The following UGGT2 variants were observed in gnomAD, a reference collection of about 807,000 sequenced individuals.
UGGT2 encodes UDP-glucose glycoprotein glucosyltransferase 2, also known as UDP-glucose:glycoprotein glucosyltransferase 2.
Under a neutral mutation model 192.1 loss-of-function variants are expected in UGGT2, and 180 were observed. The ratio of observed to expected loss-of-function variants is 0.94; its 90% confidence interval spans 0.83 to 1.06. The LOEUF (loss-of-function observed/expected upper bound fraction) is 1.06, where lower values mean the gene tolerates loss of function less well. Ranked by LOEUF, UGGT2 falls within the 50% of genes least tolerant of loss-of-function variation. The probability of loss-of-function intolerance (pLI) is 0.00; values close to 1 mark genes in which losing one functional copy is unlikely to be tolerated. For synonymous variants in UGGT2, 580 were observed against 591.0 expected, an observed-to-expected ratio of 0.98 and a Z score of 0.27; for missense variants, 1,849 against 1,795.7, an observed-to-expected ratio of 1.03 and a Z score of -0.54.
At chr13:96,048,568 C>G (rs2053388945) in intron 1 of UGGT2, among the ~76,000 whole-genome samples, 2 of 151,794 alleles carry the variant, frequency 1.3e-5, no homozygotes, top group Admixed American at 1.3e-4. Context: ...TTGAAAAGAT[C>G]AACAAAATTG....
chr13:95,929,534 A>T (rs142582472), intron 17 of UGGT2, among the ~76,000 whole-genome samples: 21 of 152,334 alleles, frequency 1.4e-4, no homozygotes, highest in African/African-American at 4.3e-4. Context: ...CCCACTCATA[A>T]GAGAGAACAT....
intron 31 of UGGT2, among the ~76,000 whole-genome samples, chr13:95,862,632 T>C (rs1001784963): frequency 6.6e-6 from 1 of 152,160 alleles, no homozygotes; most frequent in Admixed American, 6.5e-5. Flanking sequence ...ACAGCTATAG[T>C]TGGACCCATG....
At chr13:95,830,078 T>G (rs1465680447) in intron 38 of UGGT2, among the ~76,000 whole-genome samples, 2 of 152,352 alleles carry the variant, frequency 1.3e-5, no homozygotes, top group Middle Eastern at 3.4e-3. Context: ...GCTAGTCATA[T>G]GTAGAAAGCT....
At chr13:95,860,412 T>C (rs1890048845) in intron 32 of UGGT2, among the ~76,000 whole-genome samples, 1 of 149,580 alleles carries the variant, frequency 6.7e-6, no homozygotes, top group Admixed American at 6.7e-5. Context: ...TTGCTAGCCT[T>C]GAAGAAAACC....
rs553429334 is a variant in UGGT2, at chr13:95,847,421, C to T, written c.4284+6122G>A. ...ATCTACCACTACATATTTTCCCTGC[C>T]TAAAAATTCTCTGTGCTCCACCATA... On this transcript the variant is annotated intron_variant, in intron 36 of 38. Transcript: ENST00000376747. Among the ~76,000 whole-genome samples the T allele has an allele frequency of 1.2e-4, 19 of 152,282 alleles. 1 individual carries two copies. The South Asian group carries it at 3.9e-3, about 32-fold the overall frequency.
At chr13:95,929,824 T>C (rs2049181392) in intron 17 of UGGT2, among the ~76,000 whole-genome samples, 2 of 152,094 alleles carry the variant, frequency 1.3e-5, no homozygotes, top group African/African-American at 2.4e-5. Context: ...CTGGGTTGAA[T>C]GGTAGTTCTG....
intron 10 of UGGT2, among the ~76,000 whole-genome samples, chr13:95,975,432 C>T (rs1369602297): frequency 6.6e-6 from 1 of 151,986 alleles, no homozygotes; most frequent in Non-Finnish European, 1.5e-5. Context: ...AGTAAGTCTC[C>T]CAAATGAATT....
intron 5 of UGGT2, among the ~76,000 whole-genome samples, chr13:96,000,418 C>A (rs1439443664): frequency 6.6e-6 from 1 of 152,174 alleles, no homozygotes; most frequent in African/African-American, 2.4e-5. Flanking sequence ...GCTATTCAGA[C>A]AAATACTTAA....
intron 29 of UGGT2, among the ~76,000 whole-genome samples, chr13:95,870,178 G>A (rs1446360010): frequency 6.6e-6 from 1 of 152,028 alleles, no homozygotes. Context: ...AACATTTGAG[G>A]GTACACCACT....
intron 33 of UGGT2, among the ~76,000 whole-genome samples, chr13:95,859,086 G>C (rs1037316836): frequency 6.6e-6 from 1 of 152,090 alleles, no homozygotes; most frequent in South Asian, 2.1e-4. Context: ...TGAGTAAAGG[G>C]TAATAGCTGT....
Position 95,860,899 on chromosome 13 carries a change from T to C in UGGT2, c.3645-16A>G, listed in dbSNP as rs1890103599. The C allele has an allele frequency of 6.7e-7, 1 of 1,493,814 alleles. No homozygotes were observed. The highest frequency in any genetic ancestry group is 1.4e-5 in the African/African-American group (1 of 70,764). 92.5% of individuals were successfully genotyped at this position (1,493,814 alleles called of 1,614,324 possible). A position where few individuals can be genotyped will look rare whatever the true frequency, so the allele number is the denominator to read the frequency against. On this transcript the variant is annotated splice_polypyrimidine_tract_variant and intron_variant, in intron 31 of 38. Coordinates refer to ENST00000376747, the MANE Select transcript of UGGT2 (RefSeq NM_020121.4). ...TACTGTGAAACTTGGAATAAAAAAG[T>C]AATTGACATTTCTTAAACATACATA... is the stretch of plus-strand genomic sequence containing the variant.
At chr13:95,921,365 G>C (rs373026534) in intron 20 of UGGT2, among the ~76,000 whole-genome samples, 1 of 111,744 alleles carries the variant, frequency 8.9e-6, no homozygotes, top group Non-Finnish European at 2.0e-5. Flanking sequence ...AAAAAAAAAA[G>C]GTGGTGACAG....
At chr13:95,935,513 G>A (rs1443836449) in intron 17 of UGGT2, among the ~76,000 whole-genome samples, 1 of 152,098 alleles carries the variant, frequency 6.6e-6, no homozygotes, top group Admixed American at 6.5e-5. Context: ...TAGTTTGATG[G>A]GGTTCCCTTC....
chr13:95,815,763 A>G (rs1339541714), intron 38 of UGGT2, among the ~76,000 whole-genome samples: 1 of 152,218 alleles, frequency 6.6e-6, no homozygotes, highest in African/African-American at 2.4e-5. Flanking sequence ...TATAATATAC[A>G]GATGGCCAAT....
intron 19 of UGGT2, 67 bp from the exon 20 acceptor site, chr13:95,925,841 CAT>C (rs1416979773): frequency 4.6e-6 from 5 of 1,076,360 alleles, no homozygotes; most frequent in African/African-American, 1.6e-5. Context: ...AGCAGGGGAA[CAT>C]GTGCAGTTAA....
intron 38 of UGGT2, among the ~76,000 whole-genome samples, chr13:95,819,532 AT>A (rs1885279298): frequency 1.1e-5 from 1 of 92,794 alleles, no homozygotes; most frequent in African/African-American, 3.4e-5. Context: ...AATAGTATAT[AT>A]GTATATATGT....
intron 10 of UGGT2, among the ~76,000 whole-genome samples, chr13:95,979,048 C>G (rs2051031215): frequency 6.6e-6 from 1 of 152,088 alleles, no homozygotes; most frequent in Non-Finnish European, 1.5e-5. Context: ...ATTATTTGTT[C>G]CACTCTGCTG....
chr13:95,856,188 C>T lies in UGGT2; in HGVS notation c.3978G>A (p.Val1326=). 3 of 1,611,552 alleles carry T rather than the reference C, an allele frequency of 1.9e-6. No individual in the cohort carries two copies. Among genetic ancestry groups the T allele is most frequent in the Non-Finnish European group, 2.5e-6 (3 of 1,179,258 alleles). The change falls in exon 34 of 39, where the codon GTG becomes GTA. Residue 1326 remains valine (V), a synonymous_variant. Coordinates refer to ENST00000376747, the MANE Select transcript of UGGT2 (RefSeq NM_020121.4). ...LFLDVLFPLA[V]DKIIFVDADQ... The stretch of plus-strand genomic sequence containing the variant: ...CAGCATCAACAAAAATGATTTTGTC[C>T]ACTGCTAGTGGGAAAAGAACATCAA...
chr13:95,877,254 T>C, intron 29 of UGGT2, 25 bp downstream of exon 29: 1 of 1,536,052 alleles, frequency 6.5e-7, no homozygotes, highest in Non-Finnish European at 8.8e-7. Flanking sequence ...TGTGTAAAAA[T>C]TTAAAAGCAG....
Sources: allele counts gnomAD v4.1 joint callset (sites outside exome capture counted in the v4.1 genomes callset), GRCh38; gene constraint gnomAD v4.1.1; transcripts MANE v1.5; gene names NCBI Gene and HGNC (gene_info 2026-07-23, HGNC 2026-07-21).